Variants in LRRC40 observed in about 807,000 individuals in gnomAD.
LRRC40 encodes the protein leucine rich repeat containing 40, also known as leucine-rich repeat-containing protein 40.
LRRC40 carries 76 observed loss-of-function variants against 72.8 expected under a neutral mutation model. The observed-to-expected ratio is 1.04, with a 90% CI of 0.87 to 1.26. The LOEUF (loss-of-function observed/expected upper bound fraction) is 1.26. LRRC40 is among the 50% of genes most tolerant of loss of function. The probability of loss-of-function intolerance (pLI) is 0.00; values close to 1 mark genes in which losing one functional copy is unlikely to be tolerated. For missense variants in LRRC40, 684 were observed against 698.9 expected (o/e 0.98, Z 0.24); for synonymous variants, 243 against 254.2 (o/e 0.96, Z 0.42).
intron 1 of LRRC40, among the ~76,000 whole-genome samples, chr1:70,195,720 G>A (rs1355919692): frequency 2.0e-5 from 3 of 152,122 alleles, no homozygotes; most frequent in South Asian, 4.1e-4. Flanking sequence ...TGCAACCTCC[G>A]CCTCCCGGGT....
rs1169233265 is a variant in LRRC40 at position 70,145,642 on chromosome 1, G to A, written c.*158C>T. 2 of 455,236 alleles carry A rather than the reference G, an allele frequency of 4.4e-6. No homozygotes were observed. The highest frequency in any genetic ancestry group is 7.8e-6 in the Non-Finnish European group (2 of 254,806). The allele number at this position is 455,236 out of a possible 1,614,324, so 28.2% of individuals were successfully genotyped here. Reference sequence around the variant, plus strand: ...AAAAATATTTACTGGCAGTGAATATGGCCCAGGCTAATTATACCAACAGGT... The same window carrying A: ...AAAAATATTTACTGGCAGTGAATATAGCCCAGGCTAATTATACCAACAGGT... On this transcript the variant is annotated 3_prime_UTR_variant, in exon 15 of 15. Transcript: ENST00000370952.
intron 3 of LRRC40, among the ~76,000 whole-genome samples, chr1:70,185,859 T>G (rs1280782438): frequency 6.6e-6 from 1 of 152,182 alleles, no homozygotes; most frequent in African/African-American, 2.4e-5. Context: ...TCATGATAAT[T>G]AAGAGATGAC....
In LRRC40 at chr1:70,205,549, T is replaced by C. The variant is rs1275499381; in HGVS notation, c.-9A>G. ...CGCTTCAGGCGCGACATGTTCAAAG[T>C]CCTAGGTCCAGAAGCTGCAGCCCCA... On this transcript the variant is annotated 5_prime_UTR_variant, in exon 1 of 15. Transcript: ENST00000370952. The C allele has an allele frequency of 6.3e-6, 10 of 1,584,454 alleles. No individual in the cohort carries two copies. Among genetic ancestry groups the C allele is most frequent in the African/African-American group, 1.3e-5 (1 of 74,522 alleles).
intron 1 of LRRC40, among the ~76,000 whole-genome samples, chr1:70,193,038 C>T (rs941020257): frequency 3.3e-5 from 5 of 151,902 alleles, no homozygotes; most frequent in African/African-American, 1.2e-4. Flanking sequence ...TAATTATCAG[C>T]ACATGTCTAG....
intron 14 of LRRC40, 137 bp from the exon 15 acceptor site, chr1:70,146,042 T>G: frequency 3.7e-6 from 2 of 538,810 alleles, no homozygotes; most frequent in Non-Finnish European, 6.5e-6. Flanking sequence ...TTTCTTTTTT[T>G]GAGACAGAGT....
intron 1 of LRRC40, among the ~76,000 whole-genome samples, chr1:70,197,424 C>T (rs150711387): frequency 2.0e-5 from 3 of 152,020 alleles, no homozygotes; most frequent in African/African-American, 7.2e-5. Flanking sequence ...ACTATGAGGA[C>T]TACAGGCATG....
chr1:70,152,764 T>C (rs1244574237), intron 11 of LRRC40, among the ~76,000 whole-genome samples: 1 of 152,184 alleles, frequency 6.6e-6, no homozygotes, highest in East Asian at 1.9e-4. Flanking sequence ...AAGTTTCTAT[T>C]TGGCTTTATA....
intron 11 of LRRC40, 152 bp from the exon 12 acceptor site, chr1:70,152,695 T>C (rs1667533381): frequency 1.6e-6 from 1 of 606,350 alleles, no homozygotes. Context: ...CATTAATGAG[T>C]TTGGATATGT....
intron 12 of LRRC40, 90 bp from the exon 13 acceptor site, chr1:70,151,295 A>T (rs1230735054): frequency 4.4e-6 from 3 of 675,190 alleles, no homozygotes; most frequent in African/African-American, 1.8e-5. Context: ...GGAAAAAAAA[A>T]TATGTAGATC....
At chr1:70,146,734 C>G (rs889927834) in intron 14 of LRRC40, among the ~76,000 whole-genome samples, 1 of 152,130 alleles carries the variant, frequency 6.6e-6, no homozygotes, top group African/African-American at 2.4e-5. Context: ...ACTGCTCCAC[C>G]CCCTGCCTCC....
chr1:70,165,656 G>C (rs568047250), intron 9 of LRRC40, among the ~76,000 whole-genome samples: 1 of 151,700 alleles, frequency 6.6e-6, no homozygotes, highest in Admixed American at 6.6e-5. Context: ...TTAAAAAGCA[G>C]AGAAGAAAAG....
In LRRC40 at chr1:70,148,551, A is replaced by C. The variant is rs778358200; in HGVS notation, c.1639T>G (p.Leu547Val). 1 of 1,613,672 alleles carries C rather than the reference A, an allele frequency of 6.2e-7. No homozygotes were observed. The highest frequency in any genetic ancestry group is 8.5e-7 in the Non-Finnish European group (1 of 1,179,730). The change falls in exon 14 of 15, where the codon TTG becomes GTG. Residue 547 changes from leucine to valine, a missense_variant. By Grantham distance (32) the Leu-to-Val change is conservative (BLOSUM62 1). Transcript: ENST00000370952. ...AAGAGGTCATTATTTTGAAGGTCCAACGTGGTCAGATTTTCCATCATCTTC... is the reference window on the plus strand; with the variant it reads ...AAGAGGTCATTATTTTGAAGGTCCACCGTGGTCAGATTTTCCATCATCTTC... ...KMKMMENLTTLDLQNNDLLQI... is the reference protein window; with the variant it reads ...KMKMMENLTTVDLQNNDLLQI...
chr1:70,198,382 T>G (rs934132416), intron 1 of LRRC40, among the ~76,000 whole-genome samples: 4 of 152,210 alleles, frequency 2.6e-5, no homozygotes, highest in Non-Finnish European at 5.9e-5. Context: ...CTCTGGCACC[T>G]TTTATTTTTC....
At chr1:70,157,058 T>C (rs1038309907) in intron 10 of LRRC40, among the ~76,000 whole-genome samples, 1 of 152,228 alleles carries the variant, frequency 6.6e-6, no homozygotes, top group African/African-American at 2.4e-5. Context: ...CAATGTCATC[T>C]ACCTTCAAGA....
intron 9 of LRRC40, among the ~76,000 whole-genome samples, chr1:70,165,923 G>A (rs1392971728): frequency 6.6e-6 from 1 of 152,142 alleles, no homozygotes; most frequent in Non-Finnish European, 1.5e-5. Context: ...TCTTTTCACA[G>A]AGAAAATACT....
intron 1 of LRRC40, among the ~76,000 whole-genome samples, chr1:70,191,087 T>G (rs1314981857): frequency 6.7e-6 from 1 of 149,282 alleles, no homozygotes; most frequent in African/African-American, 2.5e-5. Context: ...AGAAATGTGG[T>G]CACATATATA....
At chr1:70,180,826 G>A (rs1668227620) in intron 5 of LRRC40, among the ~76,000 whole-genome samples, 1 of 152,082 alleles carries the variant, frequency 6.6e-6, no homozygotes, top group African/African-American at 2.4e-5. Flanking sequence ...AGACAGTATA[G>A]CTTAGGTATA....
intron 1 of LRRC40, among the ~76,000 whole-genome samples, chr1:70,194,226 A>G (rs1364735847): frequency 1.3e-5 from 2 of 152,106 alleles, no homozygotes; most frequent in African/African-American, 4.8e-5. Context: ...AATTATATGC[A>G]ATCAATGAGT....
At chr1:70,200,514 A>G (rs1464314527) in intron 1 of LRRC40, among the ~76,000 whole-genome samples, 1 of 152,226 alleles carries the variant, frequency 6.6e-6, no homozygotes, top group African/African-American at 2.4e-5. Flanking sequence ...TGACTATGTA[A>G]ATGTGAAGAG....
Sources: allele counts gnomAD v4.1 joint callset (sites outside exome capture counted in the v4.1 genomes callset), GRCh38; gene constraint gnomAD v4.1.1; transcripts MANE v1.5; gene names NCBI Gene and HGNC (gene_info 2026-07-23, HGNC 2026-07-21).